FSTL4: variants seen among roughly 807,000 people sequenced by gnomAD.
FSTL4 encodes the protein follistatin like 4.
Under a neutral mutation model 78.2 loss-of-function variants are expected in FSTL4, and 28 were observed. The ratio of observed to expected loss-of-function variants is 0.36; its 90% CI spans 0.27 to 0.49. The LOEUF is 0.49. FSTL4 is among the 20% of genes least tolerant of loss of function. FSTL4 has a pLI of 0.98. For synonymous variants in FSTL4, 422 were observed against 440.5 expected (o/e 0.96, Z 0.53); for missense variants, 922 against 1,084.9 (o/e 0.85, Z 2.11).
intron 3 of FSTL4, among the ~76,000 whole-genome samples, chr5:133,487,818 G>A (rs546546731): frequency 2.7e-4 from 41 of 152,338 alleles, no homozygotes; most frequent in Middle Eastern, 6.8e-3. Context: ...ACTAGCATGA[G>A]CACTTCGTGA....
chr5:133,501,176 T>A (rs2112877659), intron 3 of FSTL4, among the ~76,000 whole-genome samples: 1 of 151,540 alleles, frequency 6.6e-6, no homozygotes, highest in South Asian at 2.1e-4. Flanking sequence ...AAGAGTGAGG[T>A]ACAGCAGACG....
At chr5:133,705,859 A>G in the FSTL4 span, among the ~76,000 whole-genome samples, 3 of 138,354 alleles carry the variant, frequency 2.2e-5, no homozygotes, top group East Asian at 6.1e-4. Flanking sequence ...ACACGCGCGC[A>G]CACACACACG....
chr5:133,396,646 G>A (rs989807840), intron 4 of FSTL4, among the ~76,000 whole-genome samples: 3 of 152,182 alleles, frequency 2.0e-5, no homozygotes, highest in African/African-American at 7.2e-5. Flanking sequence ...GTATAGAAAT[G>A]CCCCTGGAGG....
At chr5:133,710,209 G>A in the FSTL4 span, among the ~76,000 whole-genome samples, 1 of 152,150 alleles carries the variant, frequency 6.6e-6, no homozygotes. Context: ...GGGAAAAATG[G>A]ACTCTGCAAT....
intron 6 of FSTL4, among the ~76,000 whole-genome samples, chr5:133,281,101 G>A (rs759190037): frequency 3.9e-5 from 6 of 152,158 alleles, no homozygotes; most frequent in Admixed American, 1.3e-4. Flanking sequence ...CCTGCACACC[G>A]GTCCCTGTGT....
intron 3 of FSTL4, among the ~76,000 whole-genome samples, chr5:133,455,449 CA>C (rs1195704699): frequency 4.0e-5 from 6 of 149,134 alleles, no homozygotes; most frequent in African/African-American, 1.5e-4. Flanking sequence ...GATAACACAG[CA>C]AAAGATAAAA....
At chr5:133,311,003 T>C (rs1264873037) in intron 6 of FSTL4, among the ~76,000 whole-genome samples, 3 of 152,270 alleles carry the variant, frequency 2.0e-5, no homozygotes, top group African/African-American at 4.8e-5. Flanking sequence ...GGTCAATGTA[T>C]AACAACCGGC....
intron 3 of FSTL4, among the ~76,000 whole-genome samples, chr5:133,434,020 G>T (rs138841653): frequency 1.3e-5 from 2 of 152,262 alleles, no homozygotes; most frequent in East Asian, 3.9e-4. Flanking sequence ...TAAGCAGAAG[G>T]TAATACAATC....
the FSTL4 span, among the ~76,000 whole-genome samples, chr5:133,773,074 GAATT>G: frequency 3.3e-5 from 5 of 151,670 alleles, no homozygotes; most frequent in African/African-American, 7.3e-5. Context: ...TTCTAATACA[GAATT>G]AATATTACTA....
At chr5:133,417,370 C>A (rs1445586486) in intron 3 of FSTL4, among the ~76,000 whole-genome samples, 2 of 151,704 alleles carry the variant, frequency 1.3e-5, no homozygotes, top group African/African-American at 4.8e-5. Context: ...TTAAACAGAT[C>A]ATTAGAGAAC....
At chr5:133,256,069 A>T (rs1026908435) in intron 6 of FSTL4, among the ~76,000 whole-genome samples, 1 of 152,180 alleles carries the variant, frequency 6.6e-6, no homozygotes, top group African/African-American at 2.4e-5. Context: ...CATTTTTCAA[A>T]TGATGCCATT....
chr5:133,559,000 A>T (rs1028810663), intron 3 of FSTL4, among the ~76,000 whole-genome samples: 6 of 151,278 alleles, frequency 4.0e-5, no homozygotes, highest in African/African-American at 1.5e-4. Flanking sequence ...AAGATTTGTT[A>T]AAAAAACAAC....
chr5:133,502,142 C>T (rs1428350571), intron 3 of FSTL4, among the ~76,000 whole-genome samples: 4 of 152,164 alleles, frequency 2.6e-5, no homozygotes, highest in Non-Finnish European at 5.9e-5. Context: ...TAAGTCATTC[C>T]CAATGCTTTA....
At chr5:133,707,848 C>T in the FSTL4 span, among the ~76,000 whole-genome samples, 7 of 152,146 alleles carry the variant, frequency 4.6e-5, no homozygotes, top group South Asian at 1.2e-3. Flanking sequence ...GCCCTTTCTG[C>T]ACAGTGCTTC....
chr5:133,346,919 A>G (rs1256740730), intron 4 of FSTL4, among the ~76,000 whole-genome samples: 1 of 152,136 alleles, frequency 6.6e-6, no homozygotes, highest in Non-Finnish European at 1.5e-5. Flanking sequence ...TTTAATTTCC[A>G]AGAAATACTT....
intron 6 of FSTL4, among the ~76,000 whole-genome samples, chr5:133,259,759 T>C (rs1273684207): frequency 6.6e-6 from 1 of 151,538 alleles, no homozygotes; most frequent in African/African-American, 2.4e-5. Flanking sequence ...GTGGTGACTG[T>C]GGAGATGAAG....
intron 4 of FSTL4, among the ~76,000 whole-genome samples, chr5:133,331,002 G>A (rs569466389): frequency 4.1e-4 from 62 of 152,336 alleles, no homozygotes; most frequent in African/African-American, 1.5e-3. Context: ...AGGGGGGCAG[G>A]GGATTCAGGG....
intron 6 of FSTL4, among the ~76,000 whole-genome samples, chr5:133,265,613 T>C (rs1752625272): frequency 2.0e-5 from 3 of 152,164 alleles, no homozygotes; most frequent in Admixed American, 2.0e-4. Context: ...TGAAAAAGTA[T>C]CCTTTGACAA....
intron 3 of FSTL4, among the ~76,000 whole-genome samples, chr5:133,514,687 C>G (rs185546612): frequency 6.6e-6 from 1 of 152,230 alleles, no homozygotes; most frequent in South Asian, 2.1e-4. Context: ...CGATACTACA[C>G]TTACCCAAAT....
Sources: allele counts gnomAD v4.1 joint callset (sites outside exome capture counted in the v4.1 genomes callset), GRCh38; gene constraint gnomAD v4.1.1; transcripts MANE v1.5; gene names NCBI Gene and HGNC (gene_info 2026-07-23, HGNC 2026-07-21).